TASP1: variants seen among roughly 807,000 people sequenced by gnomAD.
The protein encoded by TASP1 is threonine aspartase 1.
TASP1 carries 16 observed loss-of-function variants against 56.6 expected under a neutral mutation model. The ratio of observed to expected loss-of-function variants is 0.28; its 90% CI spans 0.19 to 0.43. The LOEUF is 0.43. Ranked by LOEUF, TASP1 falls within the 20% of genes least tolerant of loss-of-function variation. TASP1 has a pLI of 1.00. For synonymous variants in TASP1, 179 were observed against 184.2 expected (o/e 0.97, Z 0.23); for missense variants, 393 against 511.6 (o/e 0.77, Z 2.24).
chr20:13,211,620 A>G, the TASP1 span, among the ~76,000 whole-genome samples: 1 of 152,126 alleles, frequency 6.6e-6, no homozygotes, highest in Non-Finnish European at 1.5e-5. Flanking sequence ...GTTTTAGAAT[A>G]GTTACTTTTC....
chr20:13,253,319 A>G, the TASP1 span, among the ~76,000 whole-genome samples: 1 of 150,592 alleles, frequency 6.6e-6, no homozygotes. Context: ...TCACGGTGTT[A>G]TCATAGGGGC....
chr20:13,124,977 G>A, the TASP1 span, among the ~76,000 whole-genome samples: 1 of 152,202 alleles, frequency 6.6e-6, no homozygotes. Context: ...ATTCTGAGCT[G>A]TGCCGTTATT....
intron 13 of TASP1, 21 bp downstream of exon 13, chr20:13,417,427 T>C (rs1366499420): frequency 5.0e-6 from 8 of 1,613,794 alleles, no homozygotes; most frequent in Non-Finnish European, 6.8e-6. Flanking sequence ...TTTCAGGTTA[T>C]GACCGTTTTT....
At chr20:13,147,387 G>A in the TASP1 span, among the ~76,000 whole-genome samples, 1 of 151,996 alleles carries the variant, frequency 6.6e-6, no homozygotes, top group East Asian at 1.9e-4. Context: ...GATCTTTACC[G>A]AGATCTCTCT....
rs908797684 is a variant in TASP1 at position 13,472,419 on chromosome 20, C to T, written c.985+10808G>A. Among the ~76,000 whole-genome samples the T allele has an allele frequency of 1.3e-4, 20 of 150,882 alleles. 2 individuals carry two copies. The highest frequency in any genetic ancestry group is 4.7e-4 in the African/African-American group (19 of 40,770). On this transcript the variant is annotated intron_variant, in intron 11 of 13. Coordinates refer to ENST00000337743, the MANE Select transcript of TASP1 (RefSeq NM_017714.3). The stretch of plus-strand genomic sequence containing the variant: ...TAGGCAATACCATTCAGGACATAGG[C>T]GTGGGCAAAGACTTCATGACTAAAA...
At chr20:13,359,799 T>C in the TASP1 span, among the ~76,000 whole-genome samples, 2 of 151,798 alleles carry the variant, frequency 1.3e-5, no homozygotes, top group Admixed American at 1.3e-4. Context: ...GCCGCCCTTC[T>C]TCCCAATCCA....
At chr20:13,291,451 C>T in the TASP1 span, among the ~76,000 whole-genome samples, 1 of 152,270 alleles carries the variant, frequency 6.6e-6, no homozygotes, top group African/African-American at 2.4e-5. Flanking sequence ...TTTGAGGTGC[C>T]TCACATAAAA....
chr20:13,318,319 C>T, the TASP1 span, among the ~76,000 whole-genome samples: 1 of 152,164 alleles, frequency 6.6e-6, no homozygotes, highest in Admixed American at 6.5e-5. Flanking sequence ...AAAACATTGA[C>T]AACATCAGAT....
At chr20:13,118,280 T>C in the TASP1 span, among the ~76,000 whole-genome samples, 1 of 151,910 alleles carries the variant, frequency 6.6e-6, no homozygotes, top group African/African-American at 2.4e-5. Flanking sequence ...TTAAGAAATA[T>C]TCTCTGCAAA....
At chr20:13,406,554 A>G (rs1444704678) in intron 13 of TASP1, among the ~76,000 whole-genome samples, 2 of 152,220 alleles carry the variant, frequency 1.3e-5, no homozygotes, top group African/African-American at 4.8e-5. Context: ...GTTAGAAAGA[A>G]AGTGTTCAGT....
At chr20:13,322,101 G>C in the TASP1 span, among the ~76,000 whole-genome samples, 3 of 152,182 alleles carry the variant, frequency 2.0e-5, no homozygotes, top group Non-Finnish European at 4.4e-5. Context: ...AAAAGTACAA[G>C]TACCGTTTTG....
chr20:13,572,542 CG>C (rs1483036739), intron 6 of TASP1, among the ~76,000 whole-genome samples: 2 of 151,932 alleles, frequency 1.3e-5, no homozygotes, highest in Middle Eastern at 3.4e-3. Flanking sequence ...AAAAATATGC[CG>C]GGTGTGATGG....
the TASP1 span, among the ~76,000 whole-genome samples, chr20:13,376,925 G>T: frequency 6.6e-6 from 1 of 152,218 alleles, no homozygotes; most frequent in Non-Finnish European, 1.5e-5. Flanking sequence ...CATTGGTTTT[G>T]TATCCTGAGA....
chr20:13,344,706 G>A, the TASP1 span, among the ~76,000 whole-genome samples: 33 of 152,136 alleles, frequency 2.2e-4, 2 homozygotes, highest in African/African-American at 2.4e-5. Context: ...CAAGTTCCCC[G>A]GCATCCTTTG....
intron 6 of TASP1, among the ~76,000 whole-genome samples, chr20:13,573,342 G>C (rs1300727940): frequency 1.3e-5 from 2 of 152,154 alleles, no homozygotes; most frequent in Non-Finnish European, 2.9e-5. Flanking sequence ...CTCTTGAATG[G>C]GATTAGCCCT....
intron 1 of TASP1, among the ~76,000 whole-genome samples, chr20:13,638,693 G>A (rs941936141): frequency 4.0e-4 from 61 of 152,304 alleles, no homozygotes; most frequent in African/African-American, 1.4e-3. Flanking sequence ...GGACGACGGG[G>A]CCGCCTAGAG....
intron 12 of TASP1, among the ~76,000 whole-genome samples, chr20:13,433,848 A>AAAAAC (rs899314897): frequency 4.0e-5 from 6 of 151,516 alleles, no homozygotes; most frequent in African/African-American, 1.5e-4. Context: ...TATTAAAAAA[A>AAAAAC]AAAAAAAAAA....
intron 4 of TASP1, among the ~76,000 whole-genome samples, chr20:13,592,329 A>G (rs1054508343): frequency 6.6e-5 from 10 of 151,834 alleles, no homozygotes; most frequent in Non-Finnish European, 1.5e-4. Context: ...ACCAGAAGGC[A>G]GAGGTTACAG....
chr20:13,145,409 A>G, the TASP1 span, among the ~76,000 whole-genome samples: 1 of 152,216 alleles, frequency 6.6e-6, no homozygotes, highest in African/African-American at 2.4e-5. Flanking sequence ...AGAATAAAAT[A>G]CCTTGGAATA....
Sources: allele counts gnomAD v4.1 joint callset (sites outside exome capture counted in the v4.1 genomes callset), GRCh38; gene constraint gnomAD v4.1.1; transcripts MANE v1.5; gene names NCBI Gene and HGNC (gene_info 2026-07-23, HGNC 2026-07-21).